Variants in TM9SF4 observed in about 807,000 individuals in gnomAD.
TM9SF4 encodes dinucleotide oxidase disulfide thiol exchanger 3 superfamily member 4.
TM9SF4 carries 26 observed loss-of-function variants against 90.4 expected under a neutral mutation model. That is an observed-to-expected ratio of 0.29 (90% confidence interval 0.21 to 0.40). The LOEUF (loss-of-function observed/expected upper bound fraction) is 0.40, where lower values mean the gene tolerates loss of function less well. TM9SF4 is among the 10% of genes least tolerant of loss of function. The pLI is 1.00. For missense variants in TM9SF4, 549 were observed against 834.8 expected (o/e 0.66, Z 4.22); for synonymous variants, 293 against 315.4 (o/e 0.93, Z 0.75).
rs183498365 is a variant in TM9SF4, at chr20:32,160,250, G to A, written c.1689+139G>A. The A allele has an allele frequency of 2.0e-4, 255 of 1,254,940 alleles. No individual in the cohort carries two copies. The African/African-American group carries it at 3.0e-3, about 15-fold the overall frequency. The allele number at this position is 1,254,940 out of a possible 1,614,324, so 77.7% of individuals were successfully genotyped here. A position where few individuals can be genotyped will look rare whatever the true frequency, so the allele number is the denominator to read the frequency against. On this transcript the variant is annotated intron_variant, in intron 16 of 17. Transcript: ENST00000398022. ...TGGCTCTGAGCTCTTGGGCCAGTACGTTGCTGTGCCTCTCCCAGCCTCCAT... is the reference window on the plus strand; with the variant it reads ...TGGCTCTGAGCTCTTGGGCCAGTACATTGCTGTGCCTCTCCCAGCCTCCAT...
chr20:32,157,693 C>T (rs901270117), intron 13 of TM9SF4, 101 bp from the exon 14 acceptor site: 24 of 1,441,910 alleles, frequency 1.7e-5, no homozygotes, highest in African/African-American at 7.1e-5. Flanking sequence ...CTGCACAAGT[C>T]GCCTCTCCTT....
At chr20:32,122,723 G>A (rs2046343873) in intron 1 of TM9SF4, among the ~76,000 whole-genome samples, 1 of 151,814 alleles carries the variant, frequency 6.6e-6, no homozygotes, top group Non-Finnish European at 1.5e-5. Flanking sequence ...CATCCCAGAC[G>A]ATGGGTGGCC....
chr20:32,149,914 C>CCGT (rs2046817540), intron 10 of TM9SF4, 148 bp downstream of exon 10: 3 of 1,149,774 alleles, frequency 2.6e-6, no homozygotes, highest in Non-Finnish European at 3.6e-6. Context: ...GCCAGACAGG[C>CCGT]CGTCTATCTC....
intron 1 of TM9SF4, among the ~76,000 whole-genome samples, chr20:32,121,752 G>A (rs1260553533): frequency 6.6e-6 from 1 of 151,876 alleles, no homozygotes; most frequent in Admixed American, 6.6e-5. Context: ...CCGGGCAGAG[G>A]GGCTCCTCAC....
chr20:32,123,784 A>G (rs1289814787), intron 1 of TM9SF4, among the ~76,000 whole-genome samples: 1 of 146,296 alleles, frequency 6.8e-6, no homozygotes, highest in Non-Finnish European at 1.5e-5. Context: ...TAAGTCTTTT[A>G]TGTTCTTTTC....
Position 32,158,506 on chromosome 20 carries a change from A to G in TM9SF4, c.1561A>G (p.Ile521Val). 6.2e-7 allele frequency: 1 copy of G among 1,614,012 alleles called. No individual in the cohort carries two copies. The highest frequency in any genetic ancestry group is 2.2e-5 in the East Asian group (1 of 44,862). Residue 521 changes from isoleucine to valine, a missense_variant, in exon 15 of 18, where the codon ATC (isoleucine) becomes GTC (valine). Ile to Val is a conservative substitution (Grantham distance 29, BLOSUM62 3). Transcript: ENST00000398022. ...CGCCATGTTCATCGAGCTCTTCTTCATCTTCAGTGTGAGTACTGGTGCCTC... is the reference window on the plus strand; with the variant it reads ...CGCCATGTTCATCGAGCTCTTCTTCGTCTTCAGTGTGAGTACTGGTGCCTC... ...FGAMFIELFF[I>V]FSAIWENQFY... is the part of the protein sequence containing the mutation.
intron 1 of TM9SF4, chr20:32,110,102 A>G: frequency 8.7e-7 from 1 of 1,149,440 alleles, no homozygotes; most frequent in Non-Finnish European, 1.1e-6. Flanking sequence ...CCCTCCCGTT[A>G]TTCTCATCCT....
intron 16 of TM9SF4, among the ~76,000 whole-genome samples, chr20:32,160,903 TC>T (rs2047006237): frequency 8.5e-6 from 1 of 118,184 alleles, no homozygotes; most frequent in Non-Finnish European, 1.6e-5. Flanking sequence ...TGAGCCGAGA[TC>T]GCACCACTGC....
intron 9 of TM9SF4, among the ~76,000 whole-genome samples, chr20:32,149,257 T>C (rs1214512268): frequency 6.6e-6 from 1 of 152,238 alleles, no homozygotes; most frequent in Non-Finnish European, 1.5e-5. Flanking sequence ...CCAAATTATT[T>C]TTACTTTTTT....
chr20:32,131,739 A>T (rs1231968311), intron 1 of TM9SF4, among the ~76,000 whole-genome samples: 1 of 152,214 alleles, frequency 6.6e-6, no homozygotes, highest in African/African-American at 2.4e-5. Context: ...GCGTAGAAAG[A>T]AGAGAATCCG....
chr20:32,143,019 A>G lies in TM9SF4; in HGVS notation c.566A>G (p.Tyr189Cys), dbSNP rs867972878. ...LHNHLSFILY[Y>C]HREDMEEDQE... Reference sequence around the variant, plus strand: ...AACCACCTCTCATTCATCCTTTACTATCATCGGGAGGACATGGAAGAGGAC... The same window carrying G: ...AACCACCTCTCATTCATCCTTTACTGTCATCGGGAGGACATGGAAGAGGAC... Residue 189 changes from tyrosine (Y) to cysteine (C), a missense_variant, in exon 6 of 18, where the codon TAT becomes TGT. Transcript: ENST00000398022. 9.3e-6 allele frequency: 15 copies of G among 1,613,622 alleles called. No individual in the cohort carries two copies. The highest frequency in any genetic ancestry group is 1.3e-5 in the Non-Finnish European group (15 of 1,179,804).
At chr20:32,155,664 C>G (rs1015234826) in intron 13 of TM9SF4, among the ~76,000 whole-genome samples, 1 of 152,220 alleles carries the variant, frequency 6.6e-6, no homozygotes, top group Non-Finnish European at 1.5e-5. Context: ...GTGTTACTAG[C>G]AGCTGTCCAA....
chr20:32,143,895 C>T (rs1337607839), intron 6 of TM9SF4, among the ~76,000 whole-genome samples: 1 of 152,124 alleles, frequency 6.6e-6, no homozygotes, highest in African/African-American at 2.4e-5. Context: ...ACCTGCTCCC[C>T]CACTGGCTCT....
At chr20:32,134,431 T>C (rs1301823705) in intron 2 of TM9SF4, among the ~76,000 whole-genome samples, 1 of 152,218 alleles carries the variant, frequency 6.6e-6, no homozygotes, top group Non-Finnish European at 1.5e-5. Context: ...ATAGAGGTCC[T>C]TAATCCCTGC....
At chr20:32,164,842 G>A (rs1236181780) in intron 17 of TM9SF4, among the ~76,000 whole-genome samples, 3 of 152,198 alleles carry the variant, frequency 2.0e-5, no homozygotes, top group African/African-American at 7.2e-5. Context: ...AAATCTCTGT[G>A]AGATGCTAAC....
At chr20:32,109,896 G>T in intron 1 of TM9SF4, 141 bp downstream of exon 1, 2 of 1,490,192 alleles carry the variant, frequency 1.3e-6, no homozygotes, top group South Asian at 2.5e-5. Context: ...GACTGGGCTT[G>T]TCTTCCCCGA....
Position 32,143,065 on chromosome 20 carries a change from C to A in TM9SF4, c.612C>A (p.Val204=). 1.2e-6 allele frequency: 2 copies of A among 1,613,828 alleles called. No homozygotes were observed. The highest frequency in any genetic ancestry group is 2.2e-5 in the South Asian group (2 of 91,052). Residue 204 remains valine, a synonymous_variant, in exon 6 of 18, where the codon GTC becomes GTA. Transcript: ENST00000398022. The part of the protein sequence containing the change: ...MEEDQEHTYR[V]VRFEVIPQSI... ...AGGACCAGGAGCACACGTACCGTGT[C>A]GTCCGCTTCGAGGTGATTCCCCAGA...
chr20:32,133,666 G>GC (rs968542367), intron 2 of TM9SF4, among the ~76,000 whole-genome samples: 17 of 152,182 alleles, frequency 1.1e-4, no homozygotes. Context: ...AGCTCAGGTT[G>GC]CCCCCCAAGA....
intron 16 of TM9SF4, among the ~76,000 whole-genome samples, chr20:32,160,741 A>G (rs928768573): frequency 5.9e-4 from 90 of 152,132 alleles, no homozygotes; most frequent in East Asian, 1.2e-3. Context: ...ACAAGGTCAG[A>G]AGATCGAGAC....
Sources: gnomAD v4.1 joint callset for allele counts (sites outside exome capture counted in the v4.1 genomes callset) on GRCh38, gnomAD v4.1.1 for gene constraint, MANE v1.5 for transcripts, NCBI Gene and HGNC (gene_info 2026-07-23, HGNC 2026-07-21) for gene names.